The following PTPRG variants were observed in gnomAD, a reference collection of about 807,000 sequenced individuals.
The protein encoded by PTPRG is receptor-type tyrosine-protein phosphatase gamma.
Under a neutral mutation model 165.3 loss-of-function variants are expected in PTPRG, and 102 were observed. The observed-to-expected ratio is 0.62, with a 90% CI of 0.53 to 0.73. The LOEUF is 0.73. PTPRG is among the 30% of genes least tolerant of loss of function. PTPRG has a pLI of 0.00. For missense variants in PTPRG, 1,866 were observed against 1,861.4 expected (o/e 1.00, Z -0.05); for synonymous variants, 675 against 669.5 (o/e 1.01, Z -0.13).
intron 2 of PTPRG, among the ~76,000 whole-genome samples, chr3:61,839,609 A>C (rs936058509): frequency 6.6e-6 from 1 of 152,200 alleles, no homozygotes; most frequent in Non-Finnish European, 1.5e-5. Flanking sequence ...ATATAGCAAC[A>C]GTACTTTCGT....
At chr3:61,684,534 C>G (rs1703558811) in intron 1 of PTPRG, among the ~76,000 whole-genome samples, 1 of 152,170 alleles carries the variant, frequency 6.6e-6, no homozygotes, top group Non-Finnish European at 1.5e-5. Context: ...CAGAGGGGCT[C>G]TGTCTTAACA....
At chr3:61,705,160 C>G (rs982815046) in intron 1 of PTPRG, among the ~76,000 whole-genome samples, 1 of 152,116 alleles carries the variant, frequency 6.6e-6, no homozygotes, top group African/African-American at 2.4e-5. Context: ...GACCACATAC[C>G]CCATAGGCAT....
intron 1 of PTPRG, among the ~76,000 whole-genome samples, chr3:61,620,591 G>T (rs1327142273): frequency 1.3e-5 from 2 of 152,056 alleles, no homozygotes; most frequent in Non-Finnish European, 2.9e-5. Context: ...AATGTCATTT[G>T]GTTTGTCAGT....
chr3:61,581,850 T>A (rs989056316), intron 1 of PTPRG, among the ~76,000 whole-genome samples: 2 of 152,190 alleles, frequency 1.3e-5, no homozygotes, highest in Non-Finnish European at 2.9e-5. Context: ...CCTTAAGTGA[T>A]CTGCTCACCT....
intron 4 of PTPRG, among the ~76,000 whole-genome samples, chr3:62,037,651 C>T (rs2107795507): frequency 6.6e-6 from 1 of 152,266 alleles, no homozygotes; most frequent in South Asian, 2.1e-4. Flanking sequence ...TTGGCTGTGG[C>T]TGAGTGTATT....
At chr3:61,680,406 C>CA (rs1703391073) in intron 1 of PTPRG, among the ~76,000 whole-genome samples, 1 of 150,214 alleles carries the variant, frequency 6.7e-6, no homozygotes, top group African/African-American at 2.4e-5. Flanking sequence ...CTTGCCCAGG[C>CA]TGAGTATCAA....
At chr3:61,763,646 C>A (rs2033928978) in intron 2 of PTPRG, among the ~76,000 whole-genome samples, 1 of 151,962 alleles carries the variant, frequency 6.6e-6, no homozygotes. Context: ...GTTGGGATTA[C>A]AGGCTTGAGC....
intron 2 of PTPRG, among the ~76,000 whole-genome samples, chr3:61,805,786 G>A (rs985202602): frequency 1.3e-5 from 2 of 152,170 alleles, no homozygotes; most frequent in Non-Finnish European, 2.9e-5. Flanking sequence ...TTTCCCTTTA[G>A]TCATTCTTAC....
At chr3:61,597,488 T>C (rs949495587) in intron 1 of PTPRG, among the ~76,000 whole-genome samples, 2 of 152,216 alleles carry the variant, frequency 1.3e-5, no homozygotes, top group African/African-American at 4.8e-5. Flanking sequence ...ACATTTAATG[T>C]TGAATTTTAC....
chr3:61,755,934 G>A (rs1342863981), intron 2 of PTPRG, among the ~76,000 whole-genome samples: 1 of 152,176 alleles, frequency 6.6e-6, no homozygotes, highest in Non-Finnish European at 1.5e-5. Flanking sequence ...GTTAAGGACT[G>A]GGCAGTGGGA....
rs1553660825 is a variant in PTPRG, at chr3:61,752,803, A to AAAAAAAAG, written c.190+3828_190+3829insGAAAAAAA. On this transcript the variant is annotated intron_variant, in intron 2 of 29. Transcript: ENST00000474889. ...ACTGTCTCAAAAAAAAAAAAAAAAG[A>AAAAAAAAG]AAAAAAAAAAGAAAATATTTGCCAA... Among the ~76,000 whole-genome samples the AAAAAAAAG allele has an allele frequency of 5.0e-3, 164 of 33,118 alleles. 1 individual carries two copies. Among genetic ancestry groups the AAAAAAAAG allele is most frequent in the African/African-American group, 0.013 (153 of 11,840 alleles). 21.7% of individuals were successfully genotyped at this position (33,118 alleles called of 152,430 possible).
intron 4 of PTPRG, among the ~76,000 whole-genome samples, chr3:62,075,602 C>G (rs926757716): frequency 6.6e-6 from 1 of 152,208 alleles, no homozygotes; most frequent in African/African-American, 2.4e-5. Context: ...ACTTAGGTAT[C>G]AGAATTTTCC....
At chr3:61,846,372 T>G (rs1352258732) in intron 2 of PTPRG, among the ~76,000 whole-genome samples, 1 of 152,120 alleles carries the variant, frequency 6.6e-6, no homozygotes, top group East Asian at 1.9e-4. Context: ...TAGGGTGGTT[T>G]CTTATTTAAA....
At chr3:62,078,722 A>C (rs1368662740) in intron 5 of PTPRG, among the ~76,000 whole-genome samples, 1 of 152,070 alleles carries the variant, frequency 6.6e-6, no homozygotes, top group Non-Finnish European at 1.5e-5. Context: ...TGTTGCAACT[A>C]TCTCTGTGTT....
Position 62,053,926 on chromosome 3 carries a change from C to T in PTPRG, c.520-24237C>T, listed in dbSNP as rs530716924. On this transcript the variant is annotated intron_variant, in intron 4 of 29. Transcript: ENST00000474889. ...TTTCTATTGAGGTATAGCCTACATA[C>T]GGTGAAATGTTCAAATATGAAGGGT... is the stretch of plus-strand genomic sequence containing the variant. Among the ~76,000 whole-genome samples, 6 of 152,268 alleles carry T rather than the reference C, an allele frequency of 3.9e-5. No homozygotes were observed. The East Asian group carries it at 5.8e-4, about 15-fold the overall frequency.
At chr3:61,846,652 ATGCTTGT>A (rs1165966675) in intron 2 of PTPRG, among the ~76,000 whole-genome samples, 1 of 152,138 alleles carries the variant, frequency 6.6e-6, no homozygotes, top group Non-Finnish European at 1.5e-5. Context: ...GTGGTGGCTC[ATGCTTGT>A]AATCCCAGCA....
intron 4 of PTPRG, among the ~76,000 whole-genome samples, chr3:62,056,259 T>G (rs1057430024): frequency 6.6e-6 from 1 of 152,222 alleles, no homozygotes; most frequent in Non-Finnish European, 1.5e-5. Flanking sequence ...CACTGAGATA[T>G]GTGTTATGTG....
chr3:62,069,637 GTCTCTCTCTCTCTCTCTCTCTC>G (rs537162206), intron 4 of PTPRG, among the ~76,000 whole-genome samples: 24 of 141,156 alleles, frequency 1.7e-4, no homozygotes, highest in African/African-American at 4.4e-4. Context: ...TAGGATCGAT[GTCTCTCTCTCTCTCTCTCTCTC>G]TCTCTCTCTC....
chr3:61,593,509 T>G (rs948091538), intron 1 of PTPRG, among the ~76,000 whole-genome samples: 2 of 152,102 alleles, frequency 1.3e-5, no homozygotes, highest in East Asian at 3.9e-4. Context: ...ATCTATTCCT[T>G]AAAAACAAGC....
Sources: allele counts gnomAD v4.1 joint callset (sites outside exome capture counted in the v4.1 genomes callset), GRCh38; gene constraint gnomAD v4.1.1; transcripts MANE v1.5; gene names NCBI Gene and HGNC (gene_info 2026-07-23, HGNC 2026-07-21).